CDYL2: variants seen among roughly 807,000 people sequenced by gnomAD.
CDYL2 encodes chromodomain Y like 2.
Under a neutral mutation model 49.4 loss-of-function variants are expected in CDYL2, and 23 were observed. That is an observed-to-expected ratio of 0.47 (90% CI 0.34 to 0.66). CDYL2 has a LOEUF of 0.66. Among genes scored for constraint, CDYL2 ranks in the 30% least tolerant of loss-of-function variants. CDYL2 has a pLI of 0.01. For missense variants in CDYL2, 678 were observed against 656.4 expected, an observed-to-expected ratio of 1.03 and a Z score of -0.36; for synonymous variants, 360 against 268.8, an observed-to-expected ratio of 1.34 and a Z score of -3.32.
intron 1 of CDYL2, among the ~76,000 whole-genome samples, chr16:80,689,432 T>C: frequency 6.6e-6 from 1 of 152,222 alleles, no homozygotes; most frequent in East Asian, 1.9e-4. Flanking sequence ...CAGCTGGACA[T>C]CATTCTCATT....
At chr16:80,735,886 A>G (rs1322467127) in intron 1 of CDYL2, among the ~76,000 whole-genome samples, 1 of 152,214 alleles carries the variant, frequency 6.6e-6, no homozygotes, top group Non-Finnish European at 1.5e-5. Flanking sequence ...CAGCCTGTCC[A>G]CATCCAAGGC....
intron 2 of CDYL2, among the ~76,000 whole-genome samples, chr16:80,665,479 G>A (rs1364612274): frequency 8.3e-6 from 1 of 121,042 alleles, no homozygotes; most frequent in African/African-American, 3.3e-5. Context: ...TTAGGTTGGT[G>A]AAAAAGTAAT....
intron 1 of CDYL2, among the ~76,000 whole-genome samples, chr16:80,705,161 G>A (rs566254511): frequency 6.6e-6 from 1 of 152,228 alleles, no homozygotes; most frequent in Non-Finnish European, 1.5e-5. Flanking sequence ...GCAGAAGGGA[G>A]CACCAAACAT....
At chr16:80,789,687 T>C (rs1186627371) in intron 1 of CDYL2, among the ~76,000 whole-genome samples, 1 of 152,084 alleles carries the variant, frequency 6.6e-6, no homozygotes, top group Non-Finnish European at 1.5e-5. Flanking sequence ...CTACCAGTTG[T>C]TGACTGGATA....
chr16:80,732,186 C>A (rs970038743), intron 1 of CDYL2, among the ~76,000 whole-genome samples: 1 of 152,128 alleles, frequency 6.6e-6, no homozygotes, highest in East Asian at 1.9e-4. Context: ...ACATGAAGTA[C>A]CACATTTCAC....
At chr16:80,701,156 A>G (rs1195734829) in intron 1 of CDYL2, among the ~76,000 whole-genome samples, 1 of 152,252 alleles carries the variant, frequency 6.6e-6, no homozygotes, top group Non-Finnish European at 1.5e-5. Flanking sequence ...AAAAAGCAAT[A>G]AACAGGGACT....
intron 2 of CDYL2, among the ~76,000 whole-genome samples, chr16:80,651,644 T>C (rs1337720000): frequency 1.3e-5 from 2 of 152,210 alleles, no homozygotes; most frequent in Non-Finnish European, 2.9e-5. Flanking sequence ...GAATGCAGAA[T>C]GTGACAAAAG....
At chr16:80,749,899 T>C (rs983476978) in intron 1 of CDYL2, among the ~76,000 whole-genome samples, 3 of 152,168 alleles carry the variant, frequency 2.0e-5, no homozygotes, top group African/African-American at 7.2e-5. Context: ...TGGAATACTA[T>C]GCAACCATTA....
chr16:80,722,582 T>C (rs866242049), intron 1 of CDYL2, among the ~76,000 whole-genome samples: 21 of 152,336 alleles, frequency 1.4e-4, no homozygotes, highest in African/African-American at 4.8e-4. Flanking sequence ...AGCCTAGTTT[T>C]CTTAGGCCTA....
intron 2 of CDYL2, among the ~76,000 whole-genome samples, chr16:80,655,088 A>G (rs750220006): frequency 2.0e-5 from 3 of 152,216 alleles, no homozygotes; most frequent in Admixed American, 6.5e-5. Flanking sequence ...AGATGCCCAG[A>G]GCCTGGGGAC....
intron 2 of CDYL2, among the ~76,000 whole-genome samples, chr16:80,634,049 A>AT (rs2142393768): frequency 6.6e-6 from 1 of 151,778 alleles, no homozygotes; most frequent in Non-Finnish European, 1.5e-5. Context: ...TCAAATGTGT[A>AT]TTTTGAAAAC....
Position 80,599,552 on chromosome 16 carries a change from T to C in CDYL2, c.*4836A>G, listed in dbSNP as rs1321347996. The C allele has an allele frequency of 2.0e-5, 3 of 152,208 alleles. No homozygotes were observed. Among genetic ancestry groups the C allele is most frequent in the Non-Finnish European group, 2.9e-5 (2 of 68,040 alleles). 9.4% of individuals were successfully genotyped at this position (152,208 alleles called of 1,614,324 possible). On this transcript the variant is annotated 3_prime_UTR_variant, in exon 7 of 7. Coordinates refer to ENST00000570137, the MANE Select transcript of CDYL2 (RefSeq NM_152342.4). ...CCAGTTTAGTATGGCTTGATACACA[T>C]AGTTCATTGATAAGACACTGAGGAC...
At chr16:80,683,039 C>T (rs898938086) in intron 2 of CDYL2, among the ~76,000 whole-genome samples, 3 of 152,174 alleles carry the variant, frequency 2.0e-5, no homozygotes, top group African/African-American at 4.8e-5. Context: ...AGACAGCAAG[C>T]TCTTGCAGGG....
At chr16:80,774,757 T>A (rs75127483) in intron 1 of CDYL2, among the ~76,000 whole-genome samples, 5,120 of 151,884 alleles carry the variant, frequency 0.034, 261 homozygotes, top group African/African-American at 0.11. Context: ...CAACACTTCA[T>A]AAGATGAAAC....
At chr16:80,679,177 G>A (rs1268721655) in intron 2 of CDYL2, among the ~76,000 whole-genome samples, 3 of 151,498 alleles carry the variant, frequency 2.0e-5, no homozygotes, top group African/African-American at 7.3e-5. Context: ...ACGAGTTAGT[G>A]GGTGCATTGT....
chr16:80,735,435 C>G (rs535286787), intron 1 of CDYL2, among the ~76,000 whole-genome samples: 1 of 152,314 alleles, frequency 6.6e-6, no homozygotes, highest in South Asian at 2.1e-4. Flanking sequence ...TTAATAATAA[C>G]CACGACATTG....
chr16:80,745,202 G>C (rs1344051677), intron 1 of CDYL2, among the ~76,000 whole-genome samples: 1 of 152,174 alleles, frequency 6.6e-6, no homozygotes, highest in Non-Finnish European at 1.5e-5. Flanking sequence ...CCCCCAGCTA[G>C]AATGCAGGGG....
At chr16:80,667,895 G>C (rs1234082077) in intron 2 of CDYL2, among the ~76,000 whole-genome samples, 1 of 152,220 alleles carries the variant, frequency 6.6e-6, no homozygotes, top group Admixed American at 6.5e-5. Context: ...TGGGTCATTT[G>C]TTCCAGGCAA....
chr16:80,734,968 G>A (rs574697601), intron 1 of CDYL2: 1 of 152,220 alleles, frequency 6.6e-6, no homozygotes, highest in South Asian at 2.1e-4. Context: ...TGAGCACTGA[G>A]TTTCCTCCTC....
Sources: allele counts gnomAD v4.1 joint callset (sites outside exome capture counted in the v4.1 genomes callset), GRCh38; gene constraint gnomAD v4.1.1; transcripts MANE v1.5; gene names NCBI Gene and HGNC (gene_info 2026-07-23, HGNC 2026-07-21).